Variants in GRAP2 observed in about 807,000 individuals in gnomAD.
GRAP2 encodes GRB2 related adaptor protein 2.
GRAP2 carries 31 observed loss-of-function variants against 43.5 expected under a neutral mutation model. That is an observed-to-expected ratio of 0.71 (90% confidence interval 0.54 to 0.96). The LOEUF (loss-of-function observed/expected upper bound fraction) is 0.96. Among genes scored for constraint, GRAP2 ranks in the 40% least tolerant of loss-of-function variants. The pLI is 0.00. For missense variants in GRAP2, 371 were observed against 424.4 expected (o/e 0.87, Z 1.11); for synonymous variants, 156 against 164.8 (o/e 0.95, Z 0.41).
chr22:39,960,459 A>G (rs768214046), intron 4 of GRAP2: 1 of 387,312 alleles, frequency 2.6e-6, no homozygotes, highest in Non-Finnish European at 4.8e-6. Flanking sequence ...CCTCTACTTC[A>G]TCTTTATGCC....
At chr22:39,966,667 C>T (rs2067177781) in intron 5 of GRAP2, among the ~76,000 whole-genome samples, 1 of 152,094 alleles carries the variant, frequency 6.6e-6, no homozygotes, top group Non-Finnish European at 1.5e-5. Context: ...GTAGGGAGGA[C>T]ATGGGAGGAG....
chr22:39,916,263 C>T (rs565184840), intron 1 of GRAP2, among the ~76,000 whole-genome samples: 29 of 152,236 alleles, frequency 1.9e-4, no homozygotes, highest in Non-Finnish European at 3.7e-4. Context: ...CCTCCGTGAA[C>T]GGAAGTGAAT....
At chr22:39,919,565 A>G (rs2066632790) in intron 1 of GRAP2, among the ~76,000 whole-genome samples, 2 of 152,120 alleles carry the variant, frequency 1.3e-5, no homozygotes, top group Admixed American at 6.6e-5. Flanking sequence ...TCTATTCTTC[A>G]GAGATGTATG....
chr22:39,917,219 CAG>C (rs2066610102), intron 1 of GRAP2, among the ~76,000 whole-genome samples: 1 of 152,198 alleles, frequency 6.6e-6, no homozygotes, highest in African/African-American at 2.4e-5. Flanking sequence ...GTTACTGTAA[CAG>C]AGGATTGGCG....
chr22:39,926,084 T>C (rs1351480731), intron 1 of GRAP2, among the ~76,000 whole-genome samples: 1 of 152,224 alleles, frequency 6.6e-6, no homozygotes, highest in Non-Finnish European at 1.5e-5. Flanking sequence ...GTGAGCTCCC[T>C]GAGGAAAGGA....
intron 1 of GRAP2, among the ~76,000 whole-genome samples, chr22:39,944,377 G>C (rs2066900087): frequency 6.6e-6 from 1 of 152,194 alleles, no homozygotes; most frequent in South Asian, 2.1e-4. Context: ...TACTAGGGGT[G>C]CTTCAAGGGA....
At chr22:39,954,772 A>G (rs1306403417) in intron 2 of GRAP2, among the ~76,000 whole-genome samples, 4 of 152,242 alleles carry the variant, frequency 2.6e-5, no homozygotes, top group African/African-American at 9.6e-5. Context: ...TTGAGAAACC[A>G]GAAGCCACAT....
chr22:39,916,637 T>C (rs117032579), intron 1 of GRAP2, among the ~76,000 whole-genome samples: 4 of 152,348 alleles, frequency 2.6e-5, no homozygotes, highest in Non-Finnish European at 4.4e-5. Flanking sequence ...CATTCTTAGA[T>C]TCCCAGCTTA....
chr22:39,905,140 C>G (rs143217652), intron 1 of GRAP2, among the ~76,000 whole-genome samples: 70 of 152,176 alleles, frequency 4.6e-4, no homozygotes, highest in African/African-American at 1.6e-3. Context: ...AGCGAGTACT[C>G]TCAGGGGGTA....
At chr22:39,924,401 A>G (rs2066679850) in intron 1 of GRAP2, among the ~76,000 whole-genome samples, 1 of 152,184 alleles carries the variant, frequency 6.6e-6, no homozygotes, top group African/African-American at 2.4e-5. Flanking sequence ...CAGTAGGCTC[A>G]CGGAAGTGAC....
At chr22:39,962,621 T>G (rs907814193) in intron 4 of GRAP2, among the ~76,000 whole-genome samples, 2 of 152,106 alleles carry the variant, frequency 1.3e-5, no homozygotes, top group Non-Finnish European at 2.9e-5. Context: ...TGCATGAAGA[T>G]GACTCTGGCT....
intron 2 of GRAP2, among the ~76,000 whole-genome samples, chr22:39,954,611 T>C (rs1210101458): frequency 6.6e-6 from 1 of 152,122 alleles, no homozygotes; most frequent in Non-Finnish European, 1.5e-5. Flanking sequence ...GACAGGCTGG[T>C]CTCGAACTCC....
Position 39,953,427 on chromosome 22 carries a change from G to C in GRAP2, c.79-2392G>C, listed in dbSNP as rs542314868. On this transcript the variant is annotated intron_variant, in intron 2 of 7. Transcript: ENST00000344138. ...TCCTCTCCCTTAGCTTCCAAGATTGGTCAAGAAATCCTGCCTGTTTGCTTC... is the reference window on the plus strand; with the variant it reads ...TCCTCTCCCTTAGCTTCCAAGATTGCTCAAGAAATCCTGCCTGTTTGCTTC... Among the ~76,000 whole-genome samples the C allele has an allele frequency of 2.9e-3, 435 of 152,228 alleles. 1 individual carries two copies. The highest frequency in any genetic ancestry group is 0.01 in the African/African-American group (418 of 41,528).
upstream of GRAP2, among the ~76,000 whole-genome samples, chr22:39,896,587 CA>C (rs1166445621): frequency 2.0e-5 from 3 of 152,046 alleles, no homozygotes; most frequent in African/African-American, 7.2e-5. Context: ...TCATAGACTT[CA>C]GAGTAGTCAG....
chr22:39,964,335 T>A, intron 4 of GRAP2: 1 of 699,550 alleles, frequency 1.4e-6, no homozygotes. Flanking sequence ...AAAGAAGTTA[T>A]CGTCCAGTGG....
chr22:39,915,152 A>G (rs940997195), intron 1 of GRAP2, among the ~76,000 whole-genome samples: 18 of 148,176 alleles, frequency 1.2e-4, no homozygotes, highest in African/African-American at 4.5e-4. Flanking sequence ...TCACACCACT[A>G]CACTCCAGCC....
intron 7 of GRAP2, 21 bp from the exon 8 acceptor site, chr22:39,970,884 C>A: frequency 6.3e-7 from 1 of 1,577,478 alleles, no homozygotes; most frequent in Non-Finnish European, 8.6e-7. Context: ...AGCAGAGCCT[C>A]TTCTGTGCTT....
intron 1 of GRAP2, among the ~76,000 whole-genome samples, chr22:39,912,157 A>G (rs1000808008): frequency 2.0e-5 from 3 of 152,338 alleles, no homozygotes; most frequent in African/African-American, 7.2e-5. Context: ...ATGGTGGCTC[A>G]CGCCTGTAAT....
upstream of GRAP2, among the ~76,000 whole-genome samples, chr22:39,896,102 T>A (rs2066465559): frequency 1.3e-5 from 2 of 152,196 alleles, no homozygotes; most frequent in African/African-American, 2.4e-5. Flanking sequence ...AGATTCCAAT[T>A]TTTTATTTTT....
Sources: gnomAD v4.1 joint callset for allele counts (sites outside exome capture counted in the v4.1 genomes callset) on GRCh38, gnomAD v4.1.1 for gene constraint, MANE v1.5 for transcripts, NCBI Gene and HGNC (gene_info 2026-07-23, HGNC 2026-07-21) for gene names.